Variants in ANKRD29 observed in about 807,000 individuals in gnomAD.
ANKRD29 encodes ankyrin repeat domain-containing protein 29.
ANKRD29 carries 32 observed loss-of-function variants against 38.0 expected under a neutral mutation model. The ratio of observed to expected loss-of-function variants is 0.84; its 90% confidence interval spans 0.64 to 1.13. ANKRD29 has a LOEUF of 1.13. Ranked by LOEUF, ANKRD29 falls within the 50% of genes most tolerant of loss-of-function variation. The probability of loss-of-function intolerance (pLI) is 0.00; values close to 1 mark genes in which losing one functional copy is unlikely to be tolerated. For synonymous variants in ANKRD29, 135 were observed against 152.4 expected, an observed-to-expected ratio of 0.89 and a Z score of 0.84; for missense variants, 357 against 377.9, an observed-to-expected ratio of 0.94 and a Z score of 0.46.
intron 1 of ANKRD29, among the ~76,000 whole-genome samples, chr18:23,660,336 A>C (rs1050020251): frequency 2.0e-5 from 3 of 152,228 alleles, no homozygotes; most frequent in Admixed American, 2.0e-4. Flanking sequence ...CTTACGGGCC[A>C]TTTGTAAACT....
chr18:23,662,894 G>C lies in ANKRD29; in HGVS notation c.-164C>G, dbSNP rs192694647. 7.9e-5 allele frequency: 36 copies of C among 456,810 alleles called. 1 individual carries two copies. The Admixed American group carries it at 1.8e-3, about 22-fold the overall frequency. 28.3% of individuals were successfully genotyped at this position (456,810 alleles called of 1,614,324 possible). On this transcript the variant is annotated 5_prime_UTR_variant, in exon 1 of 10. Transcript: ENST00000592179. ...GGCAGCAGCCGCCGCACACAGGGCC[G>C]GGCCGAAGGGGCGGCGCGGGGGCGC...
chr18:23,635,590 C>T (rs2059992626), intron 4 of ANKRD29, among the ~76,000 whole-genome samples: 1 of 152,184 alleles, frequency 6.6e-6, no homozygotes, highest in Non-Finnish European at 1.5e-5. Context: ...AACACATAAC[C>T]TGGTTCTAAA....
intron 5 of ANKRD29, 112 bp downstream of exon 5, chr18:23,633,939 G>T: frequency 9.5e-7 from 1 of 1,048,702 alleles, no homozygotes; most frequent in Non-Finnish European, 1.4e-6. Flanking sequence ...TCAGACCCAA[G>T]TCCTACTGTC....
At chr18:23,607,199 G>A (rs2059585075) in intron 9 of ANKRD29, among the ~76,000 whole-genome samples, 1 of 152,230 alleles carries the variant, frequency 6.6e-6, no homozygotes, top group Non-Finnish European at 1.5e-5. Flanking sequence ...GGATGCCGAT[G>A]CTGGATTCAA....
chr18:23,645,179 G>C (rs1378244313), intron 3 of ANKRD29, among the ~76,000 whole-genome samples: 2 of 152,210 alleles, frequency 1.3e-5, no homozygotes, highest in Non-Finnish European at 2.9e-5. Context: ...TGAACTGAGA[G>C]GTCAGATACA....
At chr18:23,609,851 C>T (rs748553249) in intron 9 of ANKRD29, among the ~76,000 whole-genome samples, 14 of 152,110 alleles carry the variant, frequency 9.2e-5, no homozygotes, top group Non-Finnish European at 1.9e-4. Flanking sequence ...ATCACACAGC[C>T]AGGCCAGCTA....
chr18:23,617,631 T>C, intron 8 of ANKRD29, 101 bp downstream of exon 8: 1 of 778,786 alleles, frequency 1.3e-6, no homozygotes, highest in Non-Finnish European at 2.1e-6. Context: ...AGAATCCAAC[T>C]AACCAGGCTA....
rs1364787617 is a variant in ANKRD29, at chr18:23,649,417, C to A, written c.22-224G>T. ...TATGAAGAGCAGTGTTGTTGATAAT[C>A]CAGCACTATTAATAACCTATTTCCC... is the stretch of plus-strand genomic sequence containing the variant. On this transcript the variant is annotated intron_variant, in intron 1 of 9. Coordinates refer to ENST00000592179, the MANE Select transcript of ANKRD29 (RefSeq NM_173505.4). 5.7e-6 allele frequency: 4 copies of A among 700,866 alleles called. No individual in the cohort carries two copies. The Admixed American group carries it at 6.0e-5, about 11-fold the overall frequency. 43.4% of individuals were successfully genotyped at this position (700,866 alleles called of 1,614,324 possible). A position where few individuals can be genotyped will look rare whatever the true frequency, so the allele number is the denominator to read the frequency against.
chr18:23,634,146 C>A lies in ANKRD29; in HGVS notation c.334G>T (p.Gly112Trp), dbSNP rs770469705. 4 of 1,614,130 alleles carry A rather than the reference C, an allele frequency of 2.5e-6. No individual in the cohort carries two copies. Among genetic ancestry groups the A allele is most frequent in the Non-Finnish European group, 3.4e-6 (4 of 1,179,988 alleles). ...GASTEFRTKD[G>W]GTALLAASQY... is the part of the protein sequence containing the mutation. ...CTGGCAGCCAACAGGGCGGTGCCCC[C>A]GTCCTATGGACATGCAAAGTATAAA... The change falls in exon 5 of 10, where the codon GGG (glycine) becomes TGG (tryptophan). Residue 112 changes from glycine (G) to tryptophan (W), a missense_variant. Coordinates refer to ENST00000592179, the MANE Select transcript of ANKRD29 (RefSeq NM_173505.4).
At position 23,643,606 on chromosome 18, in the gene ANKRD29, T is replaced by C. The variant is rs569809961; in HGVS notation, c.231+2583A>G. On this transcript the variant is annotated intron_variant, in intron 3 of 9. Coordinates refer to ENST00000592179, the MANE Select transcript of ANKRD29 (RefSeq NM_173505.4). The stretch of plus-strand genomic sequence containing the variant: ...GTACCTCAATGCAGCAATCCATAAA[T>C]AGGAGCTATACCTTAGTCTGGAATG... Among the ~76,000 whole-genome samples the C allele has an allele frequency of 5.5e-4, 84 of 152,336 alleles. 2 individuals carry two copies. The South Asian group carries it at 0.017, about 32-fold the overall frequency.
At chr18:23,649,507 A>G in intron 1 of ANKRD29, 1 of 574,852 alleles carries the variant, frequency 1.7e-6, no homozygotes, top group East Asian at 4.1e-5. Context: ...TTTGCTTGAA[A>G]TGAATTTTCC....
chr18:23,625,280 T>C (rs2145674482), intron 6 of ANKRD29, among the ~76,000 whole-genome samples: 1 of 152,238 alleles, frequency 6.6e-6, no homozygotes, highest in South Asian at 2.1e-4. Context: ...AGATGCTGCA[T>C]TGCCCATGGT....
intron 9 of ANKRD29, among the ~76,000 whole-genome samples, chr18:23,604,570 T>C (rs2059552662): frequency 6.6e-6 from 1 of 152,080 alleles, no homozygotes; most frequent in Non-Finnish European, 1.5e-5. Context: ...CTCAATCTGT[T>C]GCCATGCTGG....
At chr18:23,627,899 A>G (rs2059882192) in intron 6 of ANKRD29, among the ~76,000 whole-genome samples, 1 of 152,242 alleles carries the variant, frequency 6.6e-6, no homozygotes. Context: ...CCAGTCCTCG[A>G]AAGTCAACTC....
chr18:23,633,497 T>G (rs1316610402), intron 5 of ANKRD29, among the ~76,000 whole-genome samples: 1 of 152,182 alleles, frequency 6.6e-6, no homozygotes, highest in African/African-American at 2.4e-5. Context: ...CTTAATTGCA[T>G]AGGTACACGA....
intron 4 of ANKRD29, among the ~76,000 whole-genome samples, chr18:23,637,685 AC>A (rs1343493696): frequency 6.6e-6 from 1 of 152,092 alleles, no homozygotes; most frequent in Non-Finnish European, 1.5e-5. Context: ...GGTGTGAGCC[AC>A]CTTGGCCAGC....
At chr18:23,615,031 AT>A (rs1182958841) in intron 8 of ANKRD29, among the ~76,000 whole-genome samples, 1 of 152,170 alleles carries the variant, frequency 6.6e-6, no homozygotes, top group East Asian at 1.9e-4. Context: ...ACTTTTAAAA[AT>A]TTTTGCAGAG....
intron 5 of ANKRD29, among the ~76,000 whole-genome samples, chr18:23,630,983 G>T (rs78336997): frequency 1.5e-5 from 2 of 130,796 alleles, no homozygotes; most frequent in Non-Finnish European, 1.7e-5. Flanking sequence ...AAAAAAAAAA[G>T]AAAAAAAAGA....
At chr18:23,621,091 G>A (rs1227388075) in intron 6 of ANKRD29, among the ~76,000 whole-genome samples, 1 of 152,160 alleles carries the variant, frequency 6.6e-6, no homozygotes, top group Non-Finnish European at 1.5e-5. Flanking sequence ...AGGTCCCTTC[G>A]GAGAGAAAGG....
Sources: gnomAD v4.1 joint callset for allele counts (sites outside exome capture counted in the v4.1 genomes callset) on GRCh38, gnomAD v4.1.1 for gene constraint, MANE v1.5 for transcripts, NCBI Gene and HGNC (gene_info 2026-07-23, HGNC 2026-07-21) for gene names.